The following C8orf34 variants were observed in gnomAD, a reference collection of about 807,000 sequenced individuals.
C8orf34 encodes chromosome 8 open reading frame 34.
A neutral mutation model predicts 68.3 loss-of-function variants in C8orf34; 65 were observed. The observed-to-expected ratio is 0.95, with a 90% CI of 0.78 to 1.17. The LOEUF (loss-of-function observed/expected upper bound fraction) is 1.17. Among genes scored for constraint, C8orf34 ranks in the 50% most tolerant of loss-of-function variants. C8orf34 has a pLI of 0.00. For synonymous variants in C8orf34, 244 were observed against 241.2 expected (o/e 1.01, Z -0.11); for missense variants, 664 against 655.4 (o/e 1.01, Z -0.14).
intron 12 of C8orf34, among the ~76,000 whole-genome samples, chr8:68,811,342 G>C (rs2129529949): frequency 6.6e-6 from 1 of 152,366 alleles, no homozygotes. Context: ...TTCCGAGCCT[G>C]CAGGGGCAGG....
At chr8:68,345,609 C>T (rs1187013613) in intron 1 of C8orf34, among the ~76,000 whole-genome samples, 2 of 151,814 alleles carry the variant, frequency 1.3e-5, no homozygotes, top group Non-Finnish European at 2.9e-5. Flanking sequence ...TTCAGGAGTA[C>T]ACCTATCAAA....
At chr8:68,369,236 A>G (rs1807449394) in intron 1 of C8orf34, among the ~76,000 whole-genome samples, 1 of 152,206 alleles carries the variant, frequency 6.6e-6, no homozygotes, top group Admixed American at 6.5e-5. Flanking sequence ...GAACCATTCC[A>G]TTATTCACTG....
chr8:68,345,958 T>C (rs539530834), intron 1 of C8orf34, among the ~76,000 whole-genome samples: 1 of 152,276 alleles, frequency 6.6e-6, no homozygotes, highest in African/African-American at 2.4e-5. Flanking sequence ...AATGCCCAGT[T>C]GTATTTAACA....
At chr8:68,475,211 G>A (rs970035656) in intron 4 of C8orf34, among the ~76,000 whole-genome samples, 20 of 152,140 alleles carry the variant, frequency 1.3e-4, no homozygotes, top group African/African-American at 4.8e-4. Flanking sequence ...TTCAGCTTCA[G>A]CTCAAATACC....
chr8:68,474,345 C>G (rs1489056250), intron 4 of C8orf34, among the ~76,000 whole-genome samples: 1 of 152,210 alleles, frequency 6.6e-6, no homozygotes, highest in African/African-American at 2.4e-5. Flanking sequence ...CTAGATTCCT[C>G]TTTCTTCCTT....
chr8:68,392,980 CAT>C (rs1808536081), intron 1 of C8orf34, among the ~76,000 whole-genome samples: 1 of 152,104 alleles, frequency 6.6e-6, no homozygotes, highest in Non-Finnish European at 1.5e-5. Flanking sequence ...CATTTTATTT[CAT>C]TTGTAAAACA....
intron 5 of C8orf34, among the ~76,000 whole-genome samples, chr8:68,512,220 G>A (rs747788299): frequency 7.9e-5 from 12 of 152,132 alleles, no homozygotes; most frequent in Non-Finnish European, 1.2e-4. Context: ...ACATAACAAC[G>A]TTAATTATGA....
At chr8:68,394,682 T>C (rs966026608) in intron 1 of C8orf34, among the ~76,000 whole-genome samples, 4 of 152,122 alleles carry the variant, frequency 2.6e-5, no homozygotes, top group Non-Finnish European at 4.4e-5. Context: ...TGGAGTCATA[T>C]GGTTTATAAT....
chr8:68,420,008 A>G (rs927541833), intron 1 of C8orf34, among the ~76,000 whole-genome samples: 2 of 151,622 alleles, frequency 1.3e-5, no homozygotes, highest in African/African-American at 4.8e-5. Context: ...AAAGACAAAA[A>G]AAAAAGAAAA....
At chr8:68,566,849 G>A (rs1023634908) in intron 7 of C8orf34, among the ~76,000 whole-genome samples, 2 of 152,140 alleles carry the variant, frequency 1.3e-5, no homozygotes, top group Non-Finnish European at 2.9e-5. Context: ...AGGGATGCTG[G>A]ATTTTGTTGA....
intron 4 of C8orf34, among the ~76,000 whole-genome samples, chr8:68,484,273 T>A (rs1158371546): frequency 6.6e-6 from 1 of 152,168 alleles, no homozygotes; most frequent in Non-Finnish European, 1.5e-5. Context: ...ACTGGACCAT[T>A]CATGAGAAAT....
intron 10 of C8orf34, among the ~76,000 whole-genome samples, chr8:68,735,118 G>A (rs1004405198): frequency 6.6e-6 from 1 of 152,180 alleles, no homozygotes; most frequent in Non-Finnish European, 1.5e-5. Flanking sequence ...GGTATGATTG[G>A]AACCTATCTG....
At chr8:68,431,378 T>G (rs1563433056) in intron 1 of C8orf34, among the ~76,000 whole-genome samples, 1 of 152,224 alleles carries the variant, frequency 6.6e-6, no homozygotes, top group Non-Finnish European at 1.5e-5. Context: ...ATCTGCTACT[T>G]GCATCACAAA....
chr8:68,473,584 A>G (rs1165266210), intron 4 of C8orf34, among the ~76,000 whole-genome samples: 1 of 152,044 alleles, frequency 6.6e-6, no homozygotes, highest in Admixed American at 6.6e-5. Flanking sequence ...TCGATTTTAC[A>G]GTCTGCTCTT....
At chr8:68,477,346 G>A (rs918898242) in intron 4 of C8orf34, among the ~76,000 whole-genome samples, 1 of 152,214 alleles carries the variant, frequency 6.6e-6, no homozygotes, top group African/African-American at 2.4e-5. Flanking sequence ...CATGGGGACA[G>A]AGTTGACATG....
intron 7 of C8orf34, among the ~76,000 whole-genome samples, chr8:68,549,793 T>G (rs757240333): frequency 6.6e-6 from 1 of 151,804 alleles, no homozygotes; most frequent in Non-Finnish European, 1.5e-5. Flanking sequence ...GTTAGGCACA[T>G]AAATATTAAG....
chr8:68,573,447 C>G (rs1263288314), intron 7 of C8orf34, among the ~76,000 whole-genome samples: 2 of 152,104 alleles, frequency 1.3e-5, no homozygotes, highest in Non-Finnish European at 2.9e-5. Context: ...CAGCTTAGAG[C>G]CAGGCTCCCA....
chr8:68,562,034 T>C (rs936906435), intron 7 of C8orf34, among the ~76,000 whole-genome samples: 10 of 152,198 alleles, frequency 6.6e-5, no homozygotes, highest in African/African-American at 2.4e-4. Context: ...AAAAGTATAG[T>C]ATGGTAGATA....
At chr8:68,625,679 C>A in intron 7 of C8orf34, 1 of 698,446 alleles carries the variant, frequency 1.4e-6, no homozygotes, top group East Asian at 2.7e-5. Flanking sequence ...CTGCTCCTCC[C>A]TGTGGCACAC....
Sources: allele counts gnomAD v4.1 joint callset (sites outside exome capture counted in the v4.1 genomes callset), GRCh38; gene constraint gnomAD v4.1.1; transcripts MANE v1.5; gene names NCBI Gene and HGNC (gene_info 2026-07-23, HGNC 2026-07-21).